The following GLRA3 variants were observed in gnomAD, a reference collection of about 807,000 sequenced individuals.
GLRA3 encodes glycine receptor alpha 3.
Under a neutral mutation model 60.4 loss-of-function variants are expected in GLRA3, and 44 were observed. The observed-to-expected ratio is 0.73, with a 90% CI of 0.57 to 0.94. GLRA3 has a LOEUF of 0.94. Among genes scored for constraint, GLRA3 ranks in the 40% least tolerant of loss-of-function variants. The probability of loss-of-function intolerance (pLI) is 0.00; values close to 1 mark genes in which losing one functional copy is unlikely to be tolerated. For synonymous variants in GLRA3, 223 were observed against 192.9 expected, an observed-to-expected ratio of 1.16 and a Z score of -1.29; for missense variants, 508 against 564.6, an observed-to-expected ratio of 0.90 and a Z score of 1.02.
intron 3 of GLRA3, among the ~76,000 whole-genome samples, chr4:174,741,958 T>C (rs566686642): frequency 1.3e-5 from 2 of 152,278 alleles, no homozygotes; most frequent in Admixed American, 1.3e-4. Context: ...AATCCAAATA[T>C]ATAAAATGTT....
intron 5 of GLRA3, among the ~76,000 whole-genome samples, chr4:174,702,367 G>A (rs1735352623): frequency 6.6e-6 from 1 of 152,108 alleles, no homozygotes; most frequent in South Asian, 2.1e-4. Flanking sequence ...ATAGGCTACA[G>A]TACAGTATAA....
intron 1 of GLRA3, among the ~76,000 whole-genome samples, chr4:174,808,859 TA>T (rs1368092000): frequency 6.6e-6 from 1 of 152,200 alleles, no homozygotes; most frequent in African/African-American, 2.4e-5. Flanking sequence ...ATACATTTTA[TA>T]AGCTGTAAAA....
At position 174,682,889 on chromosome 4, in the gene GLRA3, C is replaced by T. The variant is rs757129905; in HGVS notation, c.625G>A (p.Val209Ile). ...LIFEWQDEAPVQVAEGLTLPQ... is the reference protein window; with the variant it reads ...LIFEWQDEAPIQVAEGLTLPQ... ...AAAGTGAGTCCTTCTGCCACTTGTA[C>T]GGGTGCCTCATCTTGCCATTCAAAA... The change falls in exon 6 of 10, where the codon GTA (valine) becomes ATA (isoleucine). Residue 209 changes from valine (V) to isoleucine (I), a missense_variant. Coordinates refer to ENST00000274093, the MANE Select transcript of GLRA3 (RefSeq NM_006529.4). The T allele has an allele frequency of 1.2e-5, 20 of 1,612,192 alleles. No individual in the cohort carries two copies. Among genetic ancestry groups the T allele is most frequent in the Non-Finnish European group, 1.5e-5 (18 of 1,178,394 alleles).
In GLRA3 at chr4:174,640,052, G is replaced by A. The variant is rs1034797362; in HGVS notation, c.*3734C>T. ...TATTTGGAATGGCTTGCTTTTCTTT[G>A]CTAGTTCAATATTAACTAGATGAAA... On this transcript the variant is annotated 3_prime_UTR_variant, in exon 10 of 10. Transcript: ENST00000274093. 1 of 152,002 alleles carries A rather than the reference G, an allele frequency of 6.6e-6. No homozygotes were observed. The highest frequency in any genetic ancestry group is 1.5e-5 in the Non-Finnish European group (1 of 67,950). The allele number at this position is 152,002 out of a possible 1,614,324, so 9.4% of individuals were successfully genotyped here. A position where few individuals can be genotyped will look rare whatever the true frequency, so the allele number is the denominator to read the frequency against.
At chr4:174,690,189 T>C (rs546425881) in intron 5 of GLRA3, among the ~76,000 whole-genome samples, 1 of 152,200 alleles carries the variant, frequency 6.6e-6, no homozygotes, top group African/African-American at 2.4e-5. Flanking sequence ...ATAACTTTAT[T>C]TGTATATTTG....
chr4:174,708,495 T>C (rs1404405407), intron 5 of GLRA3, among the ~76,000 whole-genome samples: 2 of 151,942 alleles, frequency 1.3e-5, no homozygotes, highest in Non-Finnish European at 2.9e-5. Flanking sequence ...ACAATTACCC[T>C]GTAATTTTCG....
chr4:174,696,133 T>A (rs1267971559), intron 5 of GLRA3, among the ~76,000 whole-genome samples: 1 of 151,934 alleles, frequency 6.6e-6, no homozygotes, highest in Non-Finnish European at 1.5e-5. Context: ...TGCTAATGGA[T>A]AGGAAGAATC....
chr4:174,655,991 C>T (rs1308447626), intron 9 of GLRA3, among the ~76,000 whole-genome samples: 2 of 151,912 alleles, frequency 1.3e-5, no homozygotes, highest in Admixed American at 6.6e-5. Context: ...ATAGTTTACC[C>T]CAGAAATTAA....
At chr4:174,723,916 G>A (rs1736220665) in intron 4 of GLRA3, among the ~76,000 whole-genome samples, 1 of 151,714 alleles carries the variant, frequency 6.6e-6, no homozygotes, top group African/African-American at 2.4e-5. Context: ...ATAGCAAAAT[G>A]TACAGTTCCC....
chr4:174,677,147 T>C lies in GLRA3; in HGVS notation c.858A>G (p.Val286=). 2.5e-6 allele frequency: 4 copies of C among 1,613,654 alleles called. No homozygotes were observed. The highest frequency in any genetic ancestry group is 3.4e-6 in the Non-Finnish European group (4 of 1,179,622). Residue 286 remains valine, a synonymous_variant, in exon 7 of 10, where the codon GTA becomes GTG. Transcript: ENST00000274093. The part of the protein sequence containing the change: ...WINMDAAPAR[V]ALGITTVLTM... Reference sequence around the variant, plus strand: ...TTAGCACAGTGGTTATCCCCAGAGCTACCCTGGCCGGTGCTGCATCCATGT... The same window carrying C: ...TTAGCACAGTGGTTATCCCCAGAGCCACCCTGGCCGGTGCTGCATCCATGT...
At chr4:174,824,869 A>T (rs1028868963) in intron 1 of GLRA3, among the ~76,000 whole-genome samples, 1 of 152,150 alleles carries the variant, frequency 6.6e-6, no homozygotes, top group Non-Finnish European at 1.5e-5. Context: ...CATTTGTTCA[A>T]TCATCCAAAG....
At chr4:174,659,252 T>G (rs1561037502) in intron 7 of GLRA3, 55 bp from the exon 8 acceptor site, 2 of 1,371,856 alleles carry the variant, frequency 1.5e-6, no homozygotes, top group East Asian at 4.7e-5. Flanking sequence ...TTACTTCCTT[T>G]GAGAACAAAA....
At chr4:174,673,447 A>G (rs1383173539) in intron 7 of GLRA3, among the ~76,000 whole-genome samples, 1 of 152,084 alleles carries the variant, frequency 6.6e-6, no homozygotes, top group Non-Finnish European at 1.5e-5. Flanking sequence ...GATTTTCCAT[A>G]TCTAAAAAAA....
At chr4:174,664,585 A>C (rs904013546) in intron 7 of GLRA3, among the ~76,000 whole-genome samples, 1 of 152,102 alleles carries the variant, frequency 6.6e-6, no homozygotes, top group African/African-American at 2.4e-5. Flanking sequence ...CAAGTTTATC[A>C]ATTTCTGTTC....
chr4:174,673,266 A>C (rs1733979372), intron 7 of GLRA3, among the ~76,000 whole-genome samples: 1 of 152,172 alleles, frequency 6.6e-6, no homozygotes, highest in South Asian at 2.1e-4. Context: ...AATTAAAATT[A>C]TATTTTGTCT....
chr4:174,681,198 A>G (rs1450294772), intron 6 of GLRA3, among the ~76,000 whole-genome samples: 2 of 152,212 alleles, frequency 1.3e-5, no homozygotes, highest in Non-Finnish European at 2.9e-5. Context: ...TTAAGCTGTA[A>G]TAGCTCATTT....
chr4:174,786,440 A>G (rs1333853923), intron 2 of GLRA3, among the ~76,000 whole-genome samples: 2 of 152,150 alleles, frequency 1.3e-5, no homozygotes, highest in Admixed American at 1.3e-4. Context: ...AGGGCTGATC[A>G]TTCTCACCTC....
chr4:174,699,469 C>A (rs1035953898), intron 5 of GLRA3, among the ~76,000 whole-genome samples: 1 of 152,162 alleles, frequency 6.6e-6, no homozygotes, highest in Non-Finnish European at 1.5e-5. Flanking sequence ...TGGAAGTGAG[C>A]AACTCCACAG....
chr4:174,711,747 C>T (rs944884120), intron 5 of GLRA3, among the ~76,000 whole-genome samples: 1 of 152,076 alleles, frequency 6.6e-6, no homozygotes, highest in Non-Finnish European at 1.5e-5. Context: ...GATTTTTTAC[C>T]AGCATGCCAC....
Sources: allele counts gnomAD v4.1 joint callset (sites outside exome capture counted in the v4.1 genomes callset), GRCh38; gene constraint gnomAD v4.1.1; transcripts MANE v1.5; gene names NCBI Gene and HGNC (gene_info 2026-07-23, HGNC 2026-07-21).